The following PCDH15 variants were observed in gnomAD, a reference collection of about 807,000 sequenced individuals.
PCDH15 encodes protocadherin related 15, also known as protocadherin-15.
A neutral mutation model predicts 178.5 loss-of-function variants in PCDH15; 129 were observed. The observed-to-expected ratio is 0.72, with a 90% CI of 0.63 to 0.84. PCDH15 has a LOEUF of 0.84. Ranked by LOEUF, PCDH15 falls within the 40% of genes least tolerant of loss-of-function variation. PCDH15 has a pLI of 0.00. For synonymous variants in PCDH15, 800 were observed against 732.0 expected (o/e 1.09, Z -1.50); for missense variants, 2,230 against 2,099.9 (o/e 1.06, Z -1.21).
intron 14 of PCDH15, among the ~76,000 whole-genome samples, chr10:54,151,225 A>G (rs1014959588): frequency 3.3e-5 from 5 of 152,110 alleles, no homozygotes; most frequent in Non-Finnish European, 7.3e-5. Flanking sequence ...TATTGGAAGT[A>G]TAATAGGAAA....
At chr10:54,487,958 T>G (rs541622205) in intron 3 of PCDH15, among the ~76,000 whole-genome samples, 1 of 152,124 alleles carries the variant, frequency 6.6e-6, no homozygotes, top group Non-Finnish European at 1.5e-5. Context: ...CAAGGTCACG[T>G]GATCAAAGTG....
intron 5 of PCDH15, among the ~76,000 whole-genome samples, chr10:54,347,163 A>T (rs1036450939): frequency 6.6e-6 from 1 of 152,172 alleles, no homozygotes; most frequent in African/African-American, 2.4e-5. Flanking sequence ...TTATGCCCAC[A>T]AGAGAATCAC....
chr10:54,370,627 T>C (rs907356789), intron 4 of PCDH15, among the ~76,000 whole-genome samples: 3 of 151,874 alleles, frequency 2.0e-5, no homozygotes, highest in Non-Finnish European at 2.9e-5. Flanking sequence ...ATCTATAAAA[T>C]TAAGGCTAAT....
chr10:54,396,584 C>A (rs1290712530), intron 3 of PCDH15, among the ~76,000 whole-genome samples: 4 of 152,084 alleles, frequency 2.6e-5, no homozygotes, highest in Admixed American at 6.6e-5. Context: ...CTCTTTCCAA[C>A]ACTCTTCTTT....
intron 2 of PCDH15, among the ~76,000 whole-genome samples, chr10:55,559,013 C>T (rs900289754): frequency 6.6e-6 from 1 of 152,062 alleles, no homozygotes. Flanking sequence ...AGAAGTCTCC[C>T]TTATGTCACC....
At chr10:54,618,495 G>A (rs945404872) in intron 2 of PCDH15, among the ~76,000 whole-genome samples, 4 of 152,054 alleles carry the variant, frequency 2.6e-5, no homozygotes, top group African/African-American at 9.7e-5. Flanking sequence ...CACCAAATAA[G>A]AACATGCAAG....
At position 53,827,560 on chromosome 10, in the gene PCDH15, T is replaced by A; in HGVS notation, c.4212-12A>T. 1.2e-6 allele frequency: 2 copies of A among 1,614,078 alleles called. No individual in the cohort carries two copies. Among genetic ancestry groups the A allele is most frequent in the Non-Finnish European group, 8.5e-7 (1 of 1,179,932 alleles). On this transcript the variant is annotated splice_polypyrimidine_tract_variant and intron_variant, in intron 31 of 37. Coordinates refer to ENST00000644397, the MANE Select transcript of PCDH15 (RefSeq NM_001384140.1). ...ACTCAGCTTGACGTCTTGGATAAAG[T>A]AAGGATGGCTTGTAAAACTCATTTT... is the stretch of plus-strand genomic sequence containing the variant.
chr10:54,889,895 A>G (rs1028393119), intron 3 of PCDH15, among the ~76,000 whole-genome samples: 18 of 152,050 alleles, frequency 1.2e-4, no homozygotes, highest in African/African-American at 4.3e-4. Context: ...CTTACCAAAT[A>G]TCACAGCACC....
rs1194082944 is a variant in PCDH15, at chr10:54,403,042, C to A, written c.158-24100G>T. Among the ~76,000 whole-genome samples the A allele has an allele frequency of 3.9e-5, 6 of 152,092 alleles. No homozygotes were observed. In the East Asian group the frequency reaches 7.7e-4, roughly 20 times the overall value. ...GCCAAGCTATGAATTCAAAGAAAAACTTCTTAAGGGAAACTAAAAGTGCTA... is the reference window on the plus strand; with the variant it reads ...GCCAAGCTATGAATTCAAAGAAAAAATTCTTAAGGGAAACTAAAAGTGCTA... On this transcript the variant is annotated intron_variant, in intron 3 of 37. Coordinates refer to ENST00000644397, the MANE Select transcript of PCDH15 (RefSeq NM_001384140.1).
intron 2 of PCDH15, among the ~76,000 whole-genome samples, chr10:55,603,369 G>A (rs1177047113): frequency 2.7e-5 from 4 of 150,756 alleles, no homozygotes; most frequent in South Asian, 4.2e-4. Context: ...GCAGGCCAAC[G>A]TTCAGATTCA....
rs531379766 is a variant in PCDH15 at position 55,234,155 on chromosome 10, G to C, written c.-155-67504C>G. On this transcript the variant is annotated intron_variant, in intron 1 of 5. Transcript: ENST00000458638. ...ATATACACACATCAAATTAAAATCT[G>C]AATGAAAGAGCTCTGAGTTTCAAAT... Among the ~76,000 whole-genome samples the C allele has an allele frequency of 4.6e-5, 7 of 152,052 alleles. No individual in the cohort carries two copies. The South Asian group carries it at 1.5e-3, about 32-fold the overall frequency.
intron 25 of PCDH15, among the ~76,000 whole-genome samples, chr10:53,906,505 AT>A (rs1419875056): frequency 1.3e-5 from 2 of 152,170 alleles, no homozygotes; most frequent in Admixed American, 6.5e-5. Context: ...CTCAGATATT[AT>A]TGTAACAAAA....
At chr10:54,665,308 G>C (rs2094553405) in intron 1 of PCDH15, among the ~76,000 whole-genome samples, 1 of 151,996 alleles carries the variant, frequency 6.6e-6, no homozygotes, top group South Asian at 2.1e-4. Flanking sequence ...GATTTTCAAA[G>C]AGAAGGCAGA....
At chr10:54,275,834 C>A (rs1463915112) in intron 8 of PCDH15, among the ~76,000 whole-genome samples, 4 of 151,036 alleles carry the variant, frequency 2.6e-5, no homozygotes, top group African/African-American at 9.7e-5. Context: ...AAAAATGAGT[C>A]CAGAAAAACA....
intron 3 of PCDH15, among the ~76,000 whole-genome samples, chr10:54,451,071 A>T (rs956445808): frequency 5.9e-5 from 9 of 151,996 alleles, no homozygotes; most frequent in Middle Eastern, 6.8e-3. Context: ...ACAAAAATAT[A>T]ATCTAAATGT....
At chr10:53,849,733 G>A (rs2078221231) in intron 28 of PCDH15, among the ~76,000 whole-genome samples, 1 of 151,080 alleles carries the variant, frequency 6.6e-6, no homozygotes, top group Non-Finnish European at 1.5e-5. Flanking sequence ...GCATGGTGGC[G>A]GGCACCTGTA....
intron 3 of PCDH15, among the ~76,000 whole-genome samples, chr10:54,823,407 G>A (rs1953079706): frequency 6.6e-6 from 1 of 152,092 alleles, no homozygotes; most frequent in Admixed American, 6.6e-5. Flanking sequence ...AAGACTTACA[G>A]TTGTTATGTA....
At chr10:55,248,733 T>G (rs1049083315) in intron 1 of PCDH15, among the ~76,000 whole-genome samples, 8 of 152,038 alleles carry the variant, frequency 5.3e-5, no homozygotes, top group African/African-American at 1.9e-4. Flanking sequence ...ATTTTCATAT[T>G]TTTTGTAGAG....
In PCDH15 at chr10:55,334,221, C is replaced by CATATATATATATATAT. The variant is rs34468887; in HGVS notation, c.-155-167586_-155-167571dup. ...TCTGATGTTCATAACTAGGGTGCTC[C>CATATATATATATATAT]ATATATATATATATATATATATGTG... On this transcript the variant is annotated intron_variant, in intron 2 of 5. Coordinates refer to the PCDH15 transcript ENST00000613346. 2.0e-3 allele frequency among the ~76,000 whole-genome samples: 124 copies of CATATATATATATATAT among 62,702 alleles called. 1 individual carries two copies. Among genetic ancestry groups the CATATATATATATATAT allele is most frequent in the South Asian group, 2.8e-3 (5 of 1,774 alleles). The allele number at this position is 62,702 out of a possible 152,430, so 41.1% of individuals were successfully genotyped here. A position where few individuals can be genotyped will look rare whatever the true frequency, so the allele number is the denominator to read the frequency against.
Sources: allele counts gnomAD v4.1 joint callset (sites outside exome capture counted in the v4.1 genomes callset), GRCh38; gene constraint gnomAD v4.1.1; transcripts MANE v1.5; gene names NCBI Gene and HGNC (gene_info 2026-07-23, HGNC 2026-07-21).